The following PDSS1 variants were observed in gnomAD, a reference collection of about 807,000 sequenced individuals.
The protein encoded by PDSS1 is decaprenyl diphosphate synthase subunit 1, also known as all trans-polyprenyl-diphosphate synthase PDSS1.
A neutral mutation model predicts 57.5 loss-of-function variants in PDSS1; 43 were observed. That is an observed-to-expected ratio of 0.75 (90% CI 0.59 to 0.96). The LOEUF (loss-of-function observed/expected upper bound fraction) is 0.96. Among genes scored for constraint, PDSS1 ranks in the 50% least tolerant of loss-of-function variants. The probability of loss-of-function intolerance (pLI) is 0.00; values close to 1 mark genes in which losing one functional copy is unlikely to be tolerated. For missense variants in PDSS1, 438 were observed against 527.8 expected (o/e 0.83, Z 1.67); for synonymous variants, 175 against 191.3 (o/e 0.91, Z 0.70).
rs1834907531 is a variant in PDSS1, at chr10:26,697,726, G to GT, written c.16dup (p.Trp6LeufsTer41). On this transcript the variant is annotated frameshift_variant, in exon 1 of 12. Transcript: ENST00000376215. LOFTEE classifies it high-confidence loss of function. ...AGACTCCGACCATGGCCTCGCGCTGGTGGCGGTGGCGGCGCGGCTGCTCCT... is the reference window on the plus strand; with the variant it reads ...AGACTCCGACCATGGCCTCGCGCTGGTTGGCGGTGGCGGCGCGGCTGCTCCT... 1 of 1,296,466 alleles carries GT rather than the reference G, an allele frequency of 7.7e-7. No homozygotes were observed. Among genetic ancestry groups the GT allele is most frequent in the African/African-American group, 1.5e-5 (1 of 64,578 alleles). The allele number at this position is 1,296,466 out of a possible 1,614,324, so 80.3% of individuals were successfully genotyped here.
chr10:26,729,666 T>C (rs1211091173), intron 8 of PDSS1, among the ~76,000 whole-genome samples: 1 of 152,216 alleles, frequency 6.6e-6, no homozygotes, highest in Non-Finnish European at 1.5e-5. Context: ...TCATTCCTTT[T>C]GTCTTGGGCC....
intron 4 of PDSS1, among the ~76,000 whole-genome samples, chr10:26,709,331 G>A (rs895629823): frequency 1.3e-5 from 2 of 152,200 alleles, no homozygotes; most frequent in Admixed American, 1.3e-4. Flanking sequence ...AGGCCGAGGC[G>A]GGTGGATCAC....
intron 10 of PDSS1, among the ~76,000 whole-genome samples, chr10:26,738,201 A>AT (rs1366228973): frequency 6.6e-6 from 1 of 152,240 alleles, no homozygotes; most frequent in Non-Finnish European, 1.5e-5. Context: ...AGAATATGCA[A>AT]TATCTCCACT....
At chr10:26,707,888 T>A (rs1328510615) in intron 4 of PDSS1, among the ~76,000 whole-genome samples, 2 of 152,236 alleles carry the variant, frequency 1.3e-5, no homozygotes, top group Non-Finnish European at 2.9e-5. Context: ...CTTGGGAACC[T>A]GGGAAGAACC....
At chr10:26,703,949 T>C (rs1444129492) in intron 2 of PDSS1, among the ~76,000 whole-genome samples, 1 of 151,480 alleles carries the variant, frequency 6.6e-6, no homozygotes, top group Non-Finnish European at 1.5e-5. Context: ...GGCGAGGTGG[T>C]GGGCGCCTGT....
chr10:26,714,430 G>A (rs960515029), intron 5 of PDSS1, among the ~76,000 whole-genome samples: 4 of 149,760 alleles, frequency 2.7e-5, no homozygotes, highest in Admixed American at 6.7e-5. Context: ...AGCAGAGATT[G>A]CGCCACTGCA....
intron 5 of PDSS1, among the ~76,000 whole-genome samples, chr10:26,719,957 T>A (rs1329129147): frequency 6.6e-6 from 1 of 152,192 alleles, no homozygotes; most frequent in Non-Finnish European, 1.5e-5. Flanking sequence ...CAGCCAGACT[T>A]CTGATCGTTT....
rs1835149877 is a variant in PDSS1 at position 26,704,592 on chromosome 10, G to A, written c.163-85G>A. On this transcript the variant is annotated intron_variant, in intron 2 of 11. Transcript: ENST00000376215. ...TGTAAATGGGTGATTAGAAGATAAAGATTATAATTATGGGGGTTTTATCAT... is the reference window on the plus strand; with the variant it reads ...TGTAAATGGGTGATTAGAAGATAAAAATTATAATTATGGGGGTTTTATCAT... 22 of 754,142 alleles carry A rather than the reference G, an allele frequency of 2.9e-5. No individual in the cohort carries two copies. In the South Asian group the frequency reaches 3.2e-4, roughly 11 times the overall value. 46.7% of individuals were successfully genotyped at this position (754,142 alleles called of 1,614,324 possible). A position where few individuals can be genotyped will look rare whatever the true frequency, so the allele number is the denominator to read the frequency against.
At chr10:26,721,425 C>T (rs4749182) in intron 6 of PDSS1, among the ~76,000 whole-genome samples, 1,707 of 22,582 alleles carry the variant, frequency 0.076, 86 homozygotes, top group South Asian at 0.43. Flanking sequence ...TATATGTATA[C>T]ACACACACAC....
intron 4 of PDSS1, among the ~76,000 whole-genome samples, chr10:26,705,754 A>C (rs1306246687): frequency 6.6e-6 from 1 of 152,204 alleles, no homozygotes; most frequent in Non-Finnish European, 1.5e-5. Context: ...GATTACAAAA[A>C]AACAGTGCAG....
chr10:26,733,593 A>G (rs547386036), intron 8 of PDSS1, among the ~76,000 whole-genome samples: 89 of 152,296 alleles, frequency 5.8e-4, no homozygotes, highest in Non-Finnish European at 9.4e-4. Context: ...ACGTTAGGCA[A>G]CCTGGCTTTA....
At chr10:26,739,755 A>T (rs778552605) in intron 10 of PDSS1, among the ~76,000 whole-genome samples, 3 of 152,178 alleles carry the variant, frequency 2.0e-5, no homozygotes, top group Non-Finnish European at 2.9e-5. Flanking sequence ...TAATCCCAGC[A>T]CTCTGGGAGG....
chr10:26,698,315 G>C (rs933923675), intron 1 of PDSS1, among the ~76,000 whole-genome samples: 1 of 152,248 alleles, frequency 6.6e-6, no homozygotes, highest in East Asian at 1.9e-4. Flanking sequence ...GTCCGAAAAG[G>C]TCTTGTGGAG....
intron 10 of PDSS1, chr10:26,740,767 G>A (rs749627620): frequency 2.2e-6 from 1 of 449,518 alleles, no homozygotes; most frequent in Non-Finnish European, 4.5e-6. Context: ...TCATGAAGAT[G>A]AGAAGCCTAA....
At chr10:26,731,948 C>T (rs779339832) in intron 8 of PDSS1, among the ~76,000 whole-genome samples, 10 of 152,216 alleles carry the variant, frequency 6.6e-5, no homozygotes, top group South Asian at 2.1e-4. Context: ...TGAGCCACTG[C>T]GCCCAGCCCT....
intron 4 of PDSS1, among the ~76,000 whole-genome samples, chr10:26,707,518 G>A (rs58419083): frequency 0.034 from 5,171 of 152,158 alleles, 300 homozygotes; most frequent in African/African-American, 0.12. Flanking sequence ...CTGGTTTTCT[G>A]ACCATTGGGC....
chr10:26,715,223 A>G (rs977431578), intron 5 of PDSS1: 10 of 152,212 alleles, frequency 6.6e-5, no homozygotes, highest in African/African-American at 2.4e-4. Context: ...AGGGACACCC[A>G]TTAAGCTGGA....
At chr10:26,706,837 A>C (rs1835238534) in intron 4 of PDSS1, among the ~76,000 whole-genome samples, 1 of 152,194 alleles carries the variant, frequency 6.6e-6, no homozygotes, top group Non-Finnish European at 1.5e-5. Flanking sequence ...GGTCTGCAGC[A>C]ACCTCAATTC....
chr10:26,739,070 A>T (rs1396840749), intron 10 of PDSS1, among the ~76,000 whole-genome samples: 1 of 152,012 alleles, frequency 6.6e-6, no homozygotes, highest in African/African-American at 2.4e-5. Context: ...TCTCTTCCTT[A>T]TTTGATAAGT....
Sources: allele counts gnomAD v4.1 joint callset (sites outside exome capture counted in the v4.1 genomes callset), GRCh38; gene constraint gnomAD v4.1.1; transcripts MANE v1.5; gene names NCBI Gene and HGNC (gene_info 2026-07-23, HGNC 2026-07-21).